The following NEIL3 variants were observed in gnomAD, a reference collection of about 807,000 sequenced individuals.
The protein encoded by NEIL3 is nei like DNA glycosylase 3.
Under a neutral mutation model 57.5 loss-of-function variants are expected in NEIL3, and 48 were observed. The observed-to-expected ratio is 0.83, with a 90% CI of 0.66 to 1.06. The LOEUF (loss-of-function observed/expected upper bound fraction) is 1.06, where lower values mean the gene tolerates loss of function less well. Ranked by LOEUF, NEIL3 falls within the 50% of genes least tolerant of loss-of-function variation. The pLI is 0.00. For synonymous variants in NEIL3, 261 were observed against 253.2 expected (o/e 1.03, Z -0.29); for missense variants, 717 against 739.1 (o/e 0.97, Z 0.35).
At chr4:177,341,277 A>T (rs1447973911) in intron 5 of NEIL3, among the ~76,000 whole-genome samples, 199 bp from the exon 6 acceptor site, 3 of 152,194 alleles carry the variant, frequency 2.0e-5, no homozygotes, top group East Asian at 3.8e-4. Context: ...TATTTCACAC[A>T]AATTTTATTT....
intron 2 of NEIL3, among the ~76,000 whole-genome samples, chr4:177,326,745 T>G (rs1031973856): frequency 6.6e-6 from 1 of 152,194 alleles, no homozygotes; most frequent in African/African-American, 2.4e-5. Flanking sequence ...ATTTTGTAAT[T>G]TTCAGCTTCA....
chr4:177,362,649 C>G lies in NEIL3; in HGVS notation c.*178C>G, dbSNP rs944642339. On this transcript the variant is annotated 3_prime_UTR_variant, in exon 10 of 10. Transcript: ENST00000264596. Reference sequence around the variant, plus strand: ...CTTTCCATTGTTGGCTACGTCTTTTCTTTTGCCTTGATGAACGTTCTATGT... The same window carrying G: ...CTTTCCATTGTTGGCTACGTCTTTTGTTTTGCCTTGATGAACGTTCTATGT... 4.0e-6 allele frequency: 2 copies of G among 504,654 alleles called. No individual in the cohort carries two copies. Among genetic ancestry groups the G allele is most frequent in the African/African-American group, 2.0e-5 (1 of 50,262 alleles). 31.3% of individuals were successfully genotyped at this position (504,654 alleles called of 1,614,324 possible).
At chr4:177,338,935 A>G (rs953089142) in intron 4 of NEIL3, among the ~76,000 whole-genome samples, 1 of 152,208 alleles carries the variant, frequency 6.6e-6, no homozygotes, top group Admixed American at 6.5e-5. Flanking sequence ...TCTAATACAG[A>G]ATAAATATTC....
downstream of NEIL3, among the ~76,000 whole-genome samples, chr4:177,364,215 C>T (rs565706187): frequency 7.2e-5 from 11 of 152,316 alleles, no homozygotes; most frequent in Non-Finnish European, 1.3e-4. Context: ...GGGGTTTCTG[C>T]CTCCTTGTGT....
At chr4:177,338,022 T>TCA (rs201094152) in intron 4 of NEIL3, among the ~76,000 whole-genome samples, 10,315 of 129,052 alleles carry the variant, frequency 0.08, 558 homozygotes, top group East Asian at 0.27. Flanking sequence ...TGTCTCTCTC[T>TCA]CTCACACACA....
chr4:177,358,188 A>G (rs1735520695), intron 8 of NEIL3, among the ~76,000 whole-genome samples: 1 of 152,212 alleles, frequency 6.6e-6, no homozygotes, highest in African/African-American at 2.4e-5. Context: ...AATCAGGAGT[A>G]GGGGTGGATA....
At chr4:177,332,652 C>A (rs1734904351) in intron 2 of NEIL3, among the ~76,000 whole-genome samples, 1 of 152,176 alleles carries the variant, frequency 6.6e-6, no homozygotes, top group South Asian at 2.1e-4. Flanking sequence ...ACATCTTTCA[C>A]ATGGGCCCAC....
intron 1 of NEIL3, among the ~76,000 whole-genome samples, chr4:177,314,549 C>T (rs912033794): frequency 6.6e-6 from 1 of 152,102 alleles, no homozygotes; most frequent in Non-Finnish European, 1.5e-5. Context: ...TCTCACCAGA[C>T]CCATTTATCT....
downstream of NEIL3, among the ~76,000 whole-genome samples, chr4:177,363,923 G>A (rs780219796): frequency 9.9e-5 from 15 of 151,990 alleles, no homozygotes; most frequent in Non-Finnish European, 1.5e-4. Context: ...GCTAATTTTT[G>A]TATTTTTTGT....
At chr4:177,316,672 T>G (rs1734580216) in intron 1 of NEIL3, among the ~76,000 whole-genome samples, 1 of 152,108 alleles carries the variant, frequency 6.6e-6, no homozygotes, top group African/African-American at 2.4e-5. Context: ...AGGCATCTAT[T>G]TAATCCCACA....
At chr4:177,329,936 G>A (rs1734851062) in intron 2 of NEIL3, among the ~76,000 whole-genome samples, 1 of 151,636 alleles carries the variant, frequency 6.6e-6, no homozygotes, top group African/African-American at 2.4e-5. Flanking sequence ...TTTTCAAATG[G>A]AGTCTTGCTC....
downstream of NEIL3, among the ~76,000 whole-genome samples, chr4:177,366,827 T>C (rs1179831721): frequency 6.6e-6 from 1 of 152,244 alleles, no homozygotes; most frequent in African/African-American, 2.4e-5. Context: ...CTCTTCCTTT[T>C]TTCCAGTCTA....
At chr4:177,319,175 G>T (rs1482050185) in intron 1 of NEIL3, among the ~76,000 whole-genome samples, 1 of 152,210 alleles carries the variant, frequency 6.6e-6, no homozygotes, top group Admixed American at 6.5e-5. Context: ...ATTAGGTGTT[G>T]TGACAGCACT....
Position 177,339,819 on chromosome 4 carries a change from A to G in NEIL3, c.664A>G (p.Met222Val), listed in dbSNP as rs1735054988. 2 of 1,613,802 alleles carry G rather than the reference A, an allele frequency of 1.2e-6. No individual in the cohort carries two copies. Among genetic ancestry groups the G allele is most frequent in the African/African-American group, 2.7e-5 (2 of 74,950 alleles). The stretch of plus-strand genomic sequence containing the variant: ...AACAGATGAACAGATCCATCACCTC[A>G]TGAAAATGATACGTGATTTCAGCAT... ...QLTDEQIHHL[M>V]KMIRDFSILF... Residue 222 changes from methionine (M) to valine (V), a missense_variant, in exon 5 of 10, where the codon ATG (methionine) becomes GTG (valine). Transcript: ENST00000264596.
intron 2 of NEIL3, among the ~76,000 whole-genome samples, chr4:177,329,532 A>C (rs989876295): frequency 9.2e-5 from 14 of 152,216 alleles, no homozygotes; most frequent in African/African-American, 3.1e-4. Flanking sequence ...GGGTTAATTC[A>C]TCAAGAAAAT....
At chr4:177,346,760 T>G (rs1428200926) in intron 6 of NEIL3, among the ~76,000 whole-genome samples, 1 of 152,082 alleles carries the variant, frequency 6.6e-6, no homozygotes, top group Non-Finnish European at 1.5e-5. Flanking sequence ...CCCAGTACTT[T>G]AAAAGGCTGA....
At chr4:177,342,063 G>T (rs556156127) in intron 6 of NEIL3, among the ~76,000 whole-genome samples, 2 of 152,280 alleles carry the variant, frequency 1.3e-5, no homozygotes, top group South Asian at 4.1e-4. Flanking sequence ...CTAAACCCAC[G>T]TGTAGTAGTT....
chr4:177,344,713 C>T (rs967948244), intron 6 of NEIL3, among the ~76,000 whole-genome samples: 1 of 152,020 alleles, frequency 6.6e-6, no homozygotes, highest in African/African-American at 2.4e-5. Context: ...AGGTACCCAC[C>T]ACCACGCCCA....
intron 9 of NEIL3, among the ~76,000 whole-genome samples, chr4:177,361,937 G>T (rs1291300518): frequency 6.6e-6 from 1 of 152,086 alleles, no homozygotes; most frequent in Non-Finnish European, 1.5e-5. Context: ...GATCTTACAG[G>T]TTTAACTGAA....
Sources: allele counts gnomAD v4.1 joint callset (sites outside exome capture counted in the v4.1 genomes callset), GRCh38; gene constraint gnomAD v4.1.1; transcripts MANE v1.5; gene names NCBI Gene and HGNC (gene_info 2026-07-23, HGNC 2026-07-21).